Variants in FOXP1 observed in about 807,000 individuals in gnomAD.
FOXP1 encodes forkhead box P1.
FOXP1 carries 15 observed loss-of-function variants against 98.2 expected under a neutral mutation model. The ratio of observed to expected loss-of-function variants is 0.15; its 90% CI spans 0.10 to 0.24. The LOEUF (loss-of-function observed/expected upper bound fraction) is 0.24. Ranked by LOEUF, FOXP1 falls within the 10% of genes least tolerant of loss-of-function variation. The pLI is 1.00. For synonymous variants in FOXP1, 371 were observed against 314.5 expected (o/e 1.18, Z -1.90); for missense variants, 633 against 848.5 (o/e 0.75, Z 3.15).
intron 9 of FOXP1, among the ~76,000 whole-genome samples, chr3:71,049,022 G>T (rs1032415895): frequency 6.6e-6 from 1 of 151,982 alleles, no homozygotes; most frequent in African/African-American, 2.4e-5. Context: ...AAGCAACACC[G>T]GTTGCCAAAC....
chr3:71,371,793 G>A (rs748981536), intron 3 of FOXP1, among the ~76,000 whole-genome samples: 7 of 151,874 alleles, frequency 4.6e-5, no homozygotes, highest in Non-Finnish European at 8.8e-5. Flanking sequence ...CCAGTCCTTC[G>A]CCCCGGTATA....
At chr3:71,216,917 T>C (rs1250211798) in intron 5 of FOXP1, among the ~76,000 whole-genome samples, 2 of 152,106 alleles carry the variant, frequency 1.3e-5, no homozygotes, top group Non-Finnish European at 2.9e-5. Flanking sequence ...CACTGGAATC[T>C]GGTGGGGAGA....
At chr3:71,563,625 T>C (rs1001504503) in intron 2 of FOXP1, among the ~76,000 whole-genome samples, 2 of 152,250 alleles carry the variant, frequency 1.3e-5, no homozygotes, top group African/African-American at 2.4e-5. Flanking sequence ...GGGTCTTCAA[T>C]ATGTAAATTT....
At chr3:71,434,958 G>A (rs1013091346) in intron 3 of FOXP1, among the ~76,000 whole-genome samples, 8 of 151,866 alleles carry the variant, frequency 5.3e-5, no homozygotes, top group South Asian at 4.2e-4. Context: ...CGTCTCTCTC[G>A]CCTTTGATCT....
chr3:71,180,732 A>G (rs1411652244), intron 6 of FOXP1, among the ~76,000 whole-genome samples: 1 of 152,162 alleles, frequency 6.6e-6, no homozygotes, highest in Non-Finnish European at 1.5e-5. Flanking sequence ...CATTTTGCTA[A>G]ATGACCCGTG....
At chr3:71,009,395 T>C (rs2043256970) in intron 12 of FOXP1, among the ~76,000 whole-genome samples, 1 of 152,128 alleles carries the variant, frequency 6.6e-6, no homozygotes, top group South Asian at 2.1e-4. Context: ...TGTACCCCAA[T>C]GGCAGAGCTA....
intron 12 of FOXP1, among the ~76,000 whole-genome samples, chr3:71,003,369 G>A (rs997757923): frequency 3.3e-5 from 5 of 151,930 alleles, no homozygotes; most frequent in Non-Finnish European, 1.5e-5. Flanking sequence ...ATTTTGCACT[G>A]CTGTTGTGTA....
At chr3:71,300,817 T>C (rs2073776923) in intron 4 of FOXP1, among the ~76,000 whole-genome samples, 1 of 152,224 alleles carries the variant, frequency 6.6e-6, no homozygotes, top group African/African-American at 2.4e-5. Flanking sequence ...ATCTTTTTGC[T>C]CACTCTTCAG....
intron 5 of FOXP1, among the ~76,000 whole-genome samples, chr3:71,260,216 C>G (rs1027834435): frequency 6.6e-6 from 1 of 152,172 alleles, no homozygotes; most frequent in Non-Finnish European, 1.5e-5. Flanking sequence ...ATCTCCTGAC[C>G]TTGTGATCCG....
At chr3:71,415,129 G>C (rs751250477) in intron 3 of FOXP1, among the ~76,000 whole-genome samples, 3 of 152,158 alleles carry the variant, frequency 2.0e-5, no homozygotes, top group Non-Finnish European at 4.4e-5. Flanking sequence ...GAAAGAAAGG[G>C]AATCTGTGTT....
chr3:71,110,147 G>C (rs1166560750), intron 7 of FOXP1, among the ~76,000 whole-genome samples: 1 of 151,976 alleles, frequency 6.6e-6, no homozygotes, highest in African/African-American at 2.4e-5. Context: ...CAGGCAAGAA[G>C]AAAAAGAGCC....
chr3:71,339,936 T>G (rs1261961764), intron 4 of FOXP1, among the ~76,000 whole-genome samples: 1 of 152,232 alleles, frequency 6.6e-6, no homozygotes, highest in Non-Finnish European at 1.5e-5. Flanking sequence ...CATGTTTCAT[T>G]CATAGTGAAT....
At chr3:71,021,546 T>C (rs1047282153) in intron 11 of FOXP1, among the ~76,000 whole-genome samples, 130 of 152,336 alleles carry the variant, frequency 8.5e-4, no homozygotes, top group African/African-American at 3.0e-3. Flanking sequence ...TTTTAGGGGA[T>C]ATCTACCTAG....
intron 11 of FOXP1, among the ~76,000 whole-genome samples, chr3:71,038,533 G>A (rs1014159889): frequency 7.2e-5 from 11 of 152,178 alleles, no homozygotes; most frequent in African/African-American, 2.7e-4. Context: ...TACCTTTATA[G>A]TGACAGCTTT....
At chr3:71,075,383 T>C (rs368854198) in intron 7 of FOXP1, among the ~76,000 whole-genome samples, 1 of 152,218 alleles carries the variant, frequency 6.6e-6, no homozygotes. Context: ...TTCAATTTCT[T>C]CCTTTTGCTA....
intron 2 of FOXP1, among the ~76,000 whole-genome samples, chr3:71,537,153 T>TA (rs909847173): frequency 2.6e-5 from 4 of 152,180 alleles, no homozygotes; most frequent in Non-Finnish European, 5.9e-5. Context: ...AAAGAGGCTC[T>TA]AAAAAACTTG....
chr3:71,200,511 G>A (rs1395000976), intron 5 of FOXP1, among the ~76,000 whole-genome samples: 4 of 152,136 alleles, frequency 2.6e-5, no homozygotes, highest in African/African-American at 2.4e-5. Context: ...GTTCAGTGGG[G>A]GCAAAACAAT....
intron 1 of FOXP1, among the ~76,000 whole-genome samples, chr3:71,583,310 C>T (rs894831184): frequency 1.3e-5 from 2 of 151,988 alleles, no homozygotes; most frequent in East Asian, 3.9e-4. Flanking sequence ...TCCCTCCACC[C>T]GCGCGCCGGC....
chr3:71,091,485 G>A (rs1320439537), intron 7 of FOXP1, among the ~76,000 whole-genome samples: 8 of 143,826 alleles, frequency 5.6e-5, no homozygotes, highest in Admixed American at 2.0e-4. Context: ...GCAAGACTCC[G>A]TCTCAAAACA....
Sources: allele counts gnomAD v4.1 joint callset (sites outside exome capture counted in the v4.1 genomes callset), GRCh38; gene constraint gnomAD v4.1.1; transcripts MANE v1.5; gene names NCBI Gene and HGNC (gene_info 2026-07-23, HGNC 2026-07-21).